The following PCDHA7 variants were observed in gnomAD, a reference collection of about 807,000 sequenced individuals.
PCDHA7 encodes the protein protocadherin alpha-7.
Under a neutral mutation model 57.2 loss-of-function variants are expected in PCDHA7, and 37 were observed. The ratio of observed to expected loss-of-function variants is 0.65; its 90% confidence interval spans 0.50 to 0.85. The LOEUF (loss-of-function observed/expected upper bound fraction) is 0.85. PCDHA7 is among the 40% of genes least tolerant of loss of function. The pLI is 0.00. For synonymous variants in PCDHA7, 553 were observed against 558.8 expected (o/e 0.99, Z 0.15); for missense variants, 1,188 against 1,241.8 (o/e 0.96, Z 0.65).
chr5:140,859,100 T>C (rs1372747667), intron 1 of PCDHA7: 1 of 150,268 alleles, frequency 6.7e-6, no homozygotes, highest in East Asian at 1.9e-4. Flanking sequence ...ATTATTCACT[T>C]AGCAGAAGAA....
At chr5:140,872,883 A>G (rs1249618014) in intron 1 of PCDHA7, among the ~76,000 whole-genome samples, 1 of 152,204 alleles carries the variant, frequency 6.6e-6, no homozygotes, top group Non-Finnish European at 1.5e-5. Flanking sequence ...AGTTTCATTC[A>G]TCTCACTTTG....
chr5:140,877,914 A>AT (rs2057394520), intron 1 of PCDHA7: 3 of 1,426,804 alleles, frequency 2.1e-6, no homozygotes, highest in Non-Finnish European at 2.8e-6. Flanking sequence ...ACATTCTCTC[A>AT]TTTTTCTTTA....
intron 1 of PCDHA7, chr5:140,967,436 C>T (rs781894469): frequency 6.2e-7 from 1 of 1,613,496 alleles, no homozygotes; most frequent in Non-Finnish European, 8.5e-7. Context: ...AGCCTTGCAC[C>T]ACCTGGTTCT....
chr5:140,927,634 A>G, intron 1 of PCDHA7: 1 of 1,614,184 alleles, frequency 6.2e-7, no homozygotes, highest in Non-Finnish European at 8.5e-7. Context: ...GACTGCACCC[A>G]ATGGGACTGT....
intron 1 of PCDHA7, among the ~76,000 whole-genome samples, chr5:140,960,851 T>C (rs782540669): frequency 5.3e-5 from 8 of 152,210 alleles, no homozygotes; most frequent in Non-Finnish European, 7.3e-5. Context: ...TAATGGCAAC[T>C]ATAAGCCAGA....
At chr5:140,967,219 C>G in intron 1 of PCDHA7, 1 of 1,613,772 alleles carries the variant, frequency 6.2e-7, no homozygotes, top group Non-Finnish European at 8.5e-7. Flanking sequence ...TCCCGCGGCC[C>G]AACTACCAGC....
chr5:140,919,529 TC>T (rs2079177812), intron 1 of PCDHA7, among the ~76,000 whole-genome samples: 1 of 152,196 alleles, frequency 6.6e-6, no homozygotes. Context: ...TCTCTTTTTT[TC>T]CTATACTTTT....
chr5:140,946,611 AATAT>A (rs1554217734), intron 1 of PCDHA7, among the ~76,000 whole-genome samples: 10 of 86,794 alleles, frequency 1.2e-4, no homozygotes, highest in Admixed American at 4.7e-4. Flanking sequence ...GAAAATGTGA[AATAT>A]ATATATATAT....
chr5:140,852,586 T>A (rs2042389124), intron 1 of PCDHA7: 4 of 878,450 alleles, frequency 4.6e-6, no homozygotes, highest in East Asian at 1.2e-4. Context: ...TTTTTTATTT[T>A]TTTTTTTTGT....
At chr5:140,953,952 C>T (rs1025145135) in intron 1 of PCDHA7, among the ~76,000 whole-genome samples, 1 of 152,084 alleles carries the variant, frequency 6.6e-6, no homozygotes, top group Non-Finnish European at 1.5e-5. Context: ...GCTCCCCCAA[C>T]AGGCCCCAGT....
chr5:140,998,569 GT>G (rs71574497), intron 3 of PCDHA7, among the ~76,000 whole-genome samples: 30,440 of 149,318 alleles, frequency 0.2, 3,131 homozygotes, highest in Middle Eastern at 0.33. Flanking sequence ...TTGTAAATAA[GT>G]TTTTTTTTTT....
rs1432987823 is a variant in PCDHA7, at chr5:140,905,869, AAGGCCCAACAAT to A, written c.2355+69137_2355+69148del. ...AAGGAGTATTAACTCACACAATCAC[AAGGCCCAACAAT>A]AGGCCATCTGCAAGCTGAGGAGCAA... On this transcript the variant is annotated intron_variant, in intron 1 of 3. Coordinates refer to ENST00000525929, the MANE Select transcript of PCDHA7 (RefSeq NM_018910.3). 1.1e-4 allele frequency among the ~76,000 whole-genome samples: 17 copies of A among 152,326 alleles called. No individual in the cohort carries two copies. In the South Asian group the frequency reaches 3.5e-3, roughly 32 times the overall value.
intron 1 of PCDHA7, among the ~76,000 whole-genome samples, chr5:140,970,659 T>C (rs1243959173): frequency 4.6e-5 from 7 of 152,238 alleles, no homozygotes; most frequent in Non-Finnish European, 2.9e-5. Context: ...AATTGTTATC[T>C]TTCCAAATAA....
rs1474245483 is a variant in PCDHA7, at chr5:140,946,429, A to C, written c.2356-32520A>C. Reference sequence around the variant, plus strand: ...ATAGAAAACAATATGGAGGTTACTCAAAAATTGAGACTAAAACAACTATCC... The same window carrying C: ...ATAGAAAACAATATGGAGGTTACTCCAAAATTGAGACTAAAACAACTATCC... On this transcript the variant is annotated intron_variant, in intron 1 of 3. Coordinates refer to ENST00000525929, the MANE Select transcript of PCDHA7 (RefSeq NM_018910.3). 2.0e-5 allele frequency among the ~76,000 whole-genome samples: 3 copies of C among 151,826 alleles called. No homozygotes were observed. In the East Asian group the frequency reaches 5.8e-4, roughly 29 times the overall value.
chr5:140,909,496 G>C (rs1554193832), intron 1 of PCDHA7, among the ~76,000 whole-genome samples: 1 of 152,168 alleles, frequency 6.6e-6, no homozygotes, highest in African/African-American at 2.4e-5. Context: ...GCTGAACGGG[G>C]ATGTGGTGGG....
At chr5:140,884,152 T>G (rs1279761986) in intron 1 of PCDHA7, 7 of 1,613,332 alleles carry the variant, frequency 4.3e-6, no homozygotes, top group East Asian at 2.2e-5. Context: ...GGCTGTACAC[T>G]GGCGAGATCA....
intron 1 of PCDHA7, among the ~76,000 whole-genome samples, chr5:140,952,530 A>T (rs246033): frequency 6.6e-6 from 1 of 151,882 alleles, no homozygotes; most frequent in Non-Finnish European, 1.5e-5. Context: ...ACCTCCTCAG[A>T]CTGGACTTCT....
intron 1 of PCDHA7, chr5:140,851,766 T>G: frequency 2.1e-6 from 2 of 968,988 alleles, no homozygotes; most frequent in Non-Finnish European, 2.5e-6. Flanking sequence ...AACATTACCC[T>G]TATGAATTTA....
intron 3 of PCDHA7, among the ~76,000 whole-genome samples, chr5:141,006,952 A>G (rs2098296225): frequency 1.3e-5 from 2 of 152,212 alleles, no homozygotes; most frequent in South Asian, 4.1e-4. Flanking sequence ...ATAGGCAGTT[A>G]TACATGAGAT....
Sources: allele counts gnomAD v4.1 joint callset (sites outside exome capture counted in the v4.1 genomes callset), GRCh38; gene constraint gnomAD v4.1.1; transcripts MANE v1.5; gene names NCBI Gene and HGNC (gene_info 2026-07-23, HGNC 2026-07-21).